The following CHCHD6 variants were observed in gnomAD, a reference collection of about 807,000 sequenced individuals.
CHCHD6 encodes the protein coiled-coil-helix-coiled-coil-helix domain containing 6.
Under a neutral mutation model 32.3 loss-of-function variants are expected in CHCHD6, and 28 were observed. That is an observed-to-expected ratio of 0.87 (90% CI 0.64 to 1.19). The LOEUF is 1.19. CHCHD6 is among the 50% of genes most tolerant of loss of function. CHCHD6 has a pLI of 0.00. For synonymous variants in CHCHD6, 122 were observed against 117.5 expected (o/e 1.04, Z -0.25); for missense variants, 333 against 307.0 (o/e 1.08, Z -0.63).
chr3:126,933,975 C>G (rs1401975311), intron 6 of CHCHD6, among the ~76,000 whole-genome samples: 1 of 152,226 alleles, frequency 6.6e-6, no homozygotes, highest in Non-Finnish European at 1.5e-5. Context: ...TGCCTATAAC[C>G]AGAGAGCTTG....
At chr3:126,880,657 A>G (rs2077596129) in intron 5 of CHCHD6, among the ~76,000 whole-genome samples, 1 of 150,462 alleles carries the variant, frequency 6.6e-6, no homozygotes. Flanking sequence ...GACAAATTCT[A>G]GGCTTAGAGA....
intron 4 of CHCHD6, among the ~76,000 whole-genome samples, chr3:126,792,848 C>T (rs944848448): frequency 9.9e-5 from 15 of 152,082 alleles, no homozygotes; most frequent in Non-Finnish European, 1.3e-4. Flanking sequence ...TTGAAGTCCT[C>T]AACTATTTTT....
At chr3:126,819,484 G>A (rs1284247660) in intron 4 of CHCHD6, among the ~76,000 whole-genome samples, 1 of 152,210 alleles carries the variant, frequency 6.6e-6, no homozygotes, top group East Asian at 1.9e-4. Context: ...AGGAGGCTAT[G>A]CATGCAGCAG....
chr3:126,806,321 C>T (rs1380349968), intron 4 of CHCHD6, among the ~76,000 whole-genome samples: 2 of 152,118 alleles, frequency 1.3e-5, no homozygotes, highest in African/African-American at 4.8e-5. Flanking sequence ...GGACTAATAT[C>T]CAGAATCTAC....
chr3:126,713,441 G>T (rs896159548), intron 1 of CHCHD6, among the ~76,000 whole-genome samples: 2 of 152,172 alleles, frequency 1.3e-5, no homozygotes, highest in Non-Finnish European at 2.9e-5. Context: ...TCATGTGTGG[G>T]CGCCACTTTC....
chr3:126,714,519 T>C (rs1934917725), intron 1 of CHCHD6, among the ~76,000 whole-genome samples: 1 of 152,084 alleles, frequency 6.6e-6, no homozygotes, highest in Non-Finnish European at 1.5e-5. Context: ...CTTCTTCGGA[T>C]CACGGGGTTG....
chr3:126,952,421 G>A (rs548633250), intron 6 of CHCHD6, among the ~76,000 whole-genome samples: 2 of 152,258 alleles, frequency 1.3e-5, no homozygotes, highest in African/African-American at 4.8e-5. Context: ...GGGACAGCAG[G>A]TCTTGAGCTG....
intron 4 of CHCHD6, among the ~76,000 whole-genome samples, chr3:126,773,531 T>A (rs1937581114): frequency 6.6e-6 from 1 of 152,080 alleles, no homozygotes; most frequent in Admixed American, 6.6e-5. Context: ...TTCAGCATTC[T>A]CTTGCTTGTT....
intron 1 of CHCHD6, among the ~76,000 whole-genome samples, chr3:126,717,342 C>T (rs1223374860): frequency 1.3e-5 from 2 of 152,316 alleles, no homozygotes; most frequent in East Asian, 3.9e-4. Context: ...ATTGGGTCAG[C>T]TGCACACTGC....
At position 126,835,505 on chromosome 3, in the gene CHCHD6, G is replaced by C. The variant is rs759531810; in HGVS notation, c.412-17142G>C. Among the ~76,000 whole-genome samples, 265 of 152,272 alleles carry C rather than the reference G, an allele frequency of 1.7e-3. 2 individuals are homozygous for C. Among genetic ancestry groups the C allele is most frequent in the Non-Finnish European group, 1.4e-3 (95 of 68,028 alleles). On this transcript the variant is annotated intron_variant, in intron 4 of 7. Coordinates refer to ENST00000290913, the MANE Select transcript of CHCHD6 (RefSeq NM_032343.3). ...GCTGGGAGGAGTGGGGATTCTCTGG[G>C]CATGGAAGACCACACACACCTGGCC... is the stretch of plus-strand genomic sequence containing the variant.
intron 4 of CHCHD6, among the ~76,000 whole-genome samples, chr3:126,808,825 G>A (rs1281693031): frequency 6.6e-6 from 1 of 152,174 alleles, no homozygotes; most frequent in Admixed American, 6.6e-5. Flanking sequence ...TCCTGGTGGA[G>A]AAGGACTTTC....
At chr3:126,778,342 T>C (rs1206177575) in intron 4 of CHCHD6, among the ~76,000 whole-genome samples, 2 of 152,242 alleles carry the variant, frequency 1.3e-5, no homozygotes, top group African/African-American at 2.4e-5. Flanking sequence ...TGAGGAATGT[T>C]GGGACTGTTT....
intron 4 of CHCHD6, among the ~76,000 whole-genome samples, chr3:126,772,166 A>G (rs1185537910): frequency 6.6e-6 from 1 of 152,126 alleles, no homozygotes; most frequent in African/African-American, 2.4e-5. Context: ...TAGTGGCGCA[A>G]TCTCGGCTCA....
intron 7 of CHCHD6, 187 bp downstream of exon 7, chr3:126,957,738 T>A: frequency 2.8e-6 from 2 of 716,162 alleles, no homozygotes; most frequent in Non-Finnish European, 4.8e-6. Flanking sequence ...TCCTGGCTGC[T>A]TCCAGGAGCG....
chr3:126,892,140 A>G (rs993269445), intron 5 of CHCHD6, among the ~76,000 whole-genome samples: 5 of 152,142 alleles, frequency 3.3e-5, no homozygotes, highest in Admixed American at 6.5e-5. Flanking sequence ...CTCTGTGCCT[A>G]CTACAGCTCG....
intron 4 of CHCHD6, among the ~76,000 whole-genome samples, chr3:126,743,729 G>A (rs574573113): frequency 6.6e-6 from 1 of 152,312 alleles, no homozygotes; most frequent in South Asian, 2.1e-4. Context: ...ACCAACTGGA[G>A]GGGTGATCTG....
At chr3:126,774,319 A>AT (rs1237890353) in intron 4 of CHCHD6, among the ~76,000 whole-genome samples, 1 of 152,144 alleles carries the variant, frequency 6.6e-6, no homozygotes, top group Non-Finnish European at 1.5e-5. Context: ...TTCTTAAAAC[A>AT]TTTTTTGGAA....
chr3:126,781,249 T>A (rs1425824859), intron 4 of CHCHD6, among the ~76,000 whole-genome samples: 2 of 152,068 alleles, frequency 1.3e-5, no homozygotes, highest in African/African-American at 4.8e-5. Context: ...TACCCCAGGA[T>A]CTTTATAGTC....
At chr3:126,893,341 G>A (rs1161137863) in intron 5 of CHCHD6, among the ~76,000 whole-genome samples, 1 of 152,172 alleles carries the variant, frequency 6.6e-6, no homozygotes, top group Non-Finnish European at 1.5e-5. Context: ...GAGGATAGGA[G>A]GTTTTTTCTC....
Sources: allele counts gnomAD v4.1 joint callset (sites outside exome capture counted in the v4.1 genomes callset), GRCh38; gene constraint gnomAD v4.1.1; transcripts MANE v1.5; gene names NCBI Gene and HGNC (gene_info 2026-07-23, HGNC 2026-07-21).